The following MDGA2 variants were observed in gnomAD, a reference collection of about 807,000 sequenced individuals.
MDGA2 encodes the protein MAM domain containing glycosylphosphatidylinositol anchor 2.
MDGA2 carries 40 observed loss-of-function variants against 117.8 expected under a neutral mutation model. The observed-to-expected ratio is 0.34, with a 90% CI of 0.26 to 0.44. The LOEUF is 0.44. Ranked by LOEUF, MDGA2 falls within the 20% of genes least tolerant of loss-of-function variation. The pLI is 1.00. For synonymous variants in MDGA2, 452 were observed against 439.0 expected (o/e 1.03, Z -0.37); for missense variants, 1,123 against 1,250.6 (o/e 0.90, Z 1.54).
chr14:47,381,467 G>A (rs1283408758), intron 1 of MDGA2, among the ~76,000 whole-genome samples: 1 of 152,072 alleles, frequency 6.6e-6, no homozygotes. Context: ...AAACCCCATC[G>A]TCTCAGCCCA....
chr14:47,283,080 T>C (rs766398175), intron 2 of MDGA2, among the ~76,000 whole-genome samples: 2 of 152,254 alleles, frequency 1.3e-5, no homozygotes, highest in African/African-American at 4.8e-5. Context: ...TACATTATTA[T>C]GCTTATGGCT....
intron 6 of MDGA2, among the ~76,000 whole-genome samples, chr14:47,096,574 C>T (rs1199515396): frequency 2.0e-5 from 3 of 151,890 alleles, no homozygotes; most frequent in Non-Finnish European, 4.4e-5. Flanking sequence ...TTTTTTCTTT[C>T]AATCTTTTTT....
In MDGA2 at chr14:47,236,163, C is replaced by A. The variant is rs367840742; in HGVS notation, c.421-17968G>T. ...AAAATTAGCCGGGCATAGTGGCGGG[C>A]GCCTGTAGTCCCAGCTGCTCAGGAG... On this transcript the variant is annotated intron_variant, in intron 2 of 16. Transcript: ENST00000399232. Among the ~76,000 whole-genome samples the A allele has an allele frequency of 3.4e-3, 513 of 151,292 alleles. 4 individuals carry two copies. The highest frequency in any genetic ancestry group is 0.012 in the African/African-American group (484 of 41,374).
intron 9 of MDGA2, among the ~76,000 whole-genome samples, chr14:46,929,631 A>T (rs1443936000): frequency 0.1 from 2,873 of 27,764 alleles, 623 homozygotes; most frequent in Non-Finnish European, 0.16. Context: ...ATATATATAT[A>T]TATATATATA....
At chr14:47,642,771 A>AT (rs1897452841) in intron 1 of MDGA2, among the ~76,000 whole-genome samples, 1 of 152,094 alleles carries the variant, frequency 6.6e-6, no homozygotes, top group South Asian at 2.1e-4. Flanking sequence ...AACTTTGTAA[A>AT]TTTAGCCTCT....
chr14:47,607,594 C>T (rs72670784), intron 1 of MDGA2, among the ~76,000 whole-genome samples: 24,750 of 151,954 alleles, frequency 0.16, 2,098 homozygotes, highest in East Asian at 0.24. Flanking sequence ...ACATACAAGT[C>T]AATGAGCTGA....
At chr14:46,961,892 T>G (rs770991152) in intron 8 of MDGA2, among the ~76,000 whole-genome samples, 10 of 152,158 alleles carry the variant, frequency 6.6e-5, no homozygotes, top group Admixed American at 2.0e-4. Context: ...TCCACCTGCC[T>G]TGGCCTCCCA....
chr14:47,441,298 G>A (rs1230568548), intron 1 of MDGA2, among the ~76,000 whole-genome samples: 1 of 152,122 alleles, frequency 6.6e-6, no homozygotes, highest in Non-Finnish European at 1.5e-5. Context: ...CACAATGCAG[G>A]TAGCACTGAG....
intron 3 of MDGA2, among the ~76,000 whole-genome samples, chr14:47,160,424 T>C (rs1192776972): frequency 1.3e-5 from 2 of 152,170 alleles, no homozygotes; most frequent in Non-Finnish European, 2.9e-5. Context: ...AGCTGAGAAG[T>C]GGCTCATGCC....
chr14:46,959,312 CAT>C (rs147514373), intron 8 of MDGA2, among the ~76,000 whole-genome samples: 139 of 130,382 alleles, frequency 1.1e-3, no homozygotes, highest in African/African-American at 3.3e-3. Flanking sequence ...TGGATACATA[CAT>C]ATATATATAT....
chr14:46,952,275 C>T (rs1288747847), intron 9 of MDGA2, among the ~76,000 whole-genome samples: 3 of 151,814 alleles, frequency 2.0e-5, no homozygotes, highest in Admixed American at 2.0e-4. Flanking sequence ...TGGGAAGTCT[C>T]CTCAAAAAGA....
intron 6 of MDGA2, among the ~76,000 whole-genome samples, chr14:47,067,395 T>C (rs1890124436): frequency 6.6e-6 from 1 of 152,170 alleles, no homozygotes; most frequent in African/African-American, 2.4e-5. Flanking sequence ...TTCTTAATAT[T>C]GTAGGCATTT....
At chr14:46,856,386 G>A (rs1024623511) in intron 14 of MDGA2, among the ~76,000 whole-genome samples, 1 of 151,978 alleles carries the variant, frequency 6.6e-6, no homozygotes, top group African/African-American at 2.4e-5. Flanking sequence ...CATCTTGATT[G>A]TATCAATGTT....
At chr14:47,595,052 C>A in intron 1 of MDGA2, among the ~76,000 whole-genome samples, 1 of 151,976 alleles carries the variant, frequency 6.6e-6, no homozygotes, top group Admixed American at 6.6e-5. Flanking sequence ...TTCACAAATC[C>A]CAGACTGATA....
intron 5 of MDGA2, among the ~76,000 whole-genome samples, chr14:47,101,122 T>TAGACAGAC (rs33913671): frequency 8.4e-5 from 8 of 94,822 alleles, no homozygotes; most frequent in Non-Finnish European, 1.4e-4. Context: ...GATAGATAGA[T>TAGACAGAC]AGACAGATAG....
At chr14:47,371,915 T>C (rs1224209196) in intron 1 of MDGA2, among the ~76,000 whole-genome samples, 1 of 151,736 alleles carries the variant, frequency 6.6e-6, no homozygotes, top group Non-Finnish European at 1.5e-5. Flanking sequence ...GAAGAAAACA[T>C]TTACAACATA....
chr14:46,923,536 G>A (rs1884212783), intron 9 of MDGA2, among the ~76,000 whole-genome samples: 3 of 151,946 alleles, frequency 2.0e-5, no homozygotes, highest in South Asian at 4.2e-4. Flanking sequence ...GGTAAAAAAC[G>A]TTTTTAGATG....
chr14:47,417,883 T>G (rs1012680912), intron 1 of MDGA2, among the ~76,000 whole-genome samples: 6 of 151,990 alleles, frequency 3.9e-5, no homozygotes, highest in Non-Finnish European at 8.8e-5. Flanking sequence ...CAGGCATATT[T>G]CTAAATTTTT....
chr14:47,600,658 A>G (rs1259826525), intron 1 of MDGA2, among the ~76,000 whole-genome samples: 2 of 151,362 alleles, frequency 1.3e-5, no homozygotes, highest in Admixed American at 6.6e-5. Context: ...ATGTTTCACA[A>G]CTCCAACCTC....
Sources: gnomAD v4.1 joint callset for allele counts (sites outside exome capture counted in the v4.1 genomes callset) on GRCh38, gnomAD v4.1.1 for gene constraint, MANE v1.5 for transcripts, NCBI Gene and HGNC (gene_info 2026-07-23, HGNC 2026-07-21) for gene names.